The following C10orf67 variants were observed in gnomAD, a reference collection of about 807,000 sequenced individuals.
C10orf67 encodes chromosome 10 open reading frame 67.
In C10orf67, 60 loss-of-function variants were observed where a neutral mutation model predicts 35.6. The observed-to-expected ratio is 1.68, with a 90% CI of 1.37 to 2.09. The LOEUF (loss-of-function observed/expected upper bound fraction) is 2.09. Ranked by LOEUF, C10orf67 falls within the 30% of genes most tolerant of loss-of-function variation. C10orf67 has a pLI of 0.00. For missense variants in C10orf67, 474 were observed against 330.2 expected, an observed-to-expected ratio of 1.44 and a Z score of -3.38; for synonymous variants, 167 against 115.8, an observed-to-expected ratio of 1.44 and a Z score of -2.84.
chr10:23,305,868 T>C (rs1232838973), intron 4 of C10orf67, among the ~76,000 whole-genome samples: 2 of 152,180 alleles, frequency 1.3e-5, no homozygotes, highest in African/African-American at 4.8e-5. Context: ...TAAAGATATT[T>C]GCATTCCTAT....
chr10:23,240,412 A>G (rs1842151600), intron 12 of C10orf67, among the ~76,000 whole-genome samples: 2 of 152,230 alleles, frequency 1.3e-5, no homozygotes, highest in Non-Finnish European at 2.9e-5. Context: ...ATCTTATTCT[A>G]CCAGAATTCA....
intron 4 of C10orf67, among the ~76,000 whole-genome samples, chr10:23,319,782 C>A (rs1207380246): frequency 6.6e-6 from 1 of 152,190 alleles, no homozygotes; most frequent in Non-Finnish European, 1.5e-5. Flanking sequence ...TCACAGCCAA[C>A]TCACCTTCAG....
chr10:23,240,742 C>T (rs1842159281), intron 12 of C10orf67, among the ~76,000 whole-genome samples: 1 of 152,192 alleles, frequency 6.6e-6, no homozygotes, highest in African/African-American at 2.4e-5. Flanking sequence ...AAATGTGTGA[C>T]ATCCCTTCAG....
intron 1 of C10orf67, among the ~76,000 whole-genome samples, chr10:23,339,654 T>G (rs982776501): frequency 3.3e-5 from 5 of 152,228 alleles, no homozygotes; most frequent in African/African-American, 1.2e-4. Flanking sequence ...TCTAACTCCT[T>G]AGTTTCTGCC....
intron 6 of C10orf67, among the ~76,000 whole-genome samples, chr10:23,290,903 A>C (rs1843699567): frequency 6.6e-6 from 1 of 152,232 alleles, no homozygotes; most frequent in South Asian, 2.1e-4. Flanking sequence ...GTCTGTCTTG[A>C]AACAACACCC....
At chr10:23,310,269 A>G (rs1425009129) in intron 4 of C10orf67, among the ~76,000 whole-genome samples, 1 of 152,198 alleles carries the variant, frequency 6.6e-6, no homozygotes, top group Non-Finnish European at 1.5e-5. Flanking sequence ...AACCAAAACA[A>G]AAAATTCTAG....
At chr10:23,219,241 A>G (rs1841512614) in intron 15 of C10orf67, among the ~76,000 whole-genome samples, 2 of 152,168 alleles carry the variant, frequency 1.3e-5, no homozygotes, top group South Asian at 2.1e-4. Flanking sequence ...CTAGGTTTAA[A>G]TTTGGGTTTC....
At chr10:23,288,008 T>C (rs1232433679) in intron 7 of C10orf67, among the ~76,000 whole-genome samples, 1 of 152,180 alleles carries the variant, frequency 6.6e-6, no homozygotes, top group Non-Finnish European at 1.5e-5. Context: ...GGAACACTTT[T>C]ACACGTTAGT....
chr10:23,333,104 C>G lies in C10orf67; in HGVS notation c.285G>C (p.Leu95=). Residue 95 remains leucine (L), a synonymous_variant, in exon 2 of 16, where the codon CTG becomes CTC. Transcript: ENST00000636213. The part of the protein sequence containing the change: ...HATQTDSSEI[L]SVKELSSSTQ... ...TAGATGAACTCAATTCTTTTACTGA[C>G]AGTATTTCACTGGAATCAGTTTGAG... 6.2e-7 allele frequency: 1 copy of G among 1,611,390 alleles called. No homozygotes were observed. The highest frequency in any genetic ancestry group is 8.5e-7 in the Non-Finnish European group (1 of 1,178,052).
intron 1 of C10orf67, among the ~76,000 whole-genome samples, chr10:23,335,026 T>C (rs759942194): frequency 1.3e-5 from 2 of 151,988 alleles, no homozygotes; most frequent in African/African-American, 4.8e-5. Flanking sequence ...CCGTCTCGAC[T>C]AAAAATACAA....
At chr10:23,250,812 T>C in intron 10 of C10orf67, 121 bp from the exon 11 acceptor site, 1 of 394,516 alleles carries the variant, frequency 2.5e-6, no homozygotes, top group East Asian at 3.6e-5. Context: ...CAAACATAAT[T>C]TGAGGCGGGG....
intron 10 of C10orf67, among the ~76,000 whole-genome samples, chr10:23,251,801 TC>T (rs772761940): frequency 1.3e-5 from 2 of 152,240 alleles, no homozygotes; most frequent in Non-Finnish European, 2.9e-5. Context: ...GCATAGCTTA[TC>T]TGGCAAGAAA....
At chr10:23,336,954 C>A (rs1247269879) in intron 1 of C10orf67, among the ~76,000 whole-genome samples, 1 of 151,874 alleles carries the variant, frequency 6.6e-6, no homozygotes, top group Non-Finnish European at 1.5e-5. Flanking sequence ...ATTTTGTTTG[C>A]CATAAAGTGA....
chr10:23,323,912 T>C (rs1361836316), intron 2 of C10orf67, among the ~76,000 whole-genome samples: 1 of 24,354 alleles, frequency 4.1e-5, no homozygotes, highest in Non-Finnish European at 6.4e-5. Flanking sequence ...TATATATATA[T>C]ATATATATAT....
Position 23,214,291 on chromosome 10 carries a change from T to C in C10orf67, c.1570+9307A>G, listed in dbSNP as rs549068357. Among the ~76,000 whole-genome samples the C allele has an allele frequency of 2.6e-5, 4 of 152,186 alleles. No homozygotes were observed. The South Asian group carries it at 8.3e-4, about 32-fold the overall frequency. ...TACAATAAATTAGAAGAATAAAGAA[T>C]GTCTGAACTACCAAATTAATAAGAC... On this transcript the variant is annotated intron_variant, in intron 15 of 15. Transcript: ENST00000636213.
intron 2 of C10orf67, among the ~76,000 whole-genome samples, chr10:23,328,637 C>T (rs1013594216): frequency 6.0e-5 from 9 of 149,474 alleles, no homozygotes; most frequent in African/African-American, 1.2e-4. Context: ...TTTCTAAACA[C>T]GGAGCTATAT....
At chr10:23,244,065 T>G (rs1047077748) in intron 12 of C10orf67, among the ~76,000 whole-genome samples, 1 of 152,108 alleles carries the variant, frequency 6.6e-6, no homozygotes, top group African/African-American at 2.4e-5. Flanking sequence ...CTAATTTTTT[T>G]ATTTTTTGTA....
rs1229827189 is a variant in C10orf67, at chr10:23,268,974, T to C, written c.976-1720A>G. Among the ~76,000 whole-genome samples, 3 of 152,244 alleles carry C rather than the reference T, an allele frequency of 2.0e-5. No individual in the cohort carries two copies. The East Asian group carries it at 5.8e-4, about 29-fold the overall frequency. On this transcript the variant is annotated intron_variant, in intron 8 of 15. Coordinates refer to ENST00000636213, the MANE Select transcript of C10orf67 (RefSeq NM_001371909.1). ...GGACTACCATCGTGTATTTAGTCTG[T>C]TGTTGACCAAAATGTCATTATGCAA...
rs117927900 is a variant in C10orf67 at position 23,288,777 on chromosome 10, A to C, written c.909+1123T>G. 3.2e-3 allele frequency among the ~76,000 whole-genome samples: 490 copies of C among 152,356 alleles called. 14 individuals are homozygous for C. The East Asian group carries it at 0.05, about 15-fold the overall frequency. On this transcript the variant is annotated intron_variant, in intron 7 of 15. Transcript: ENST00000636213. ...TGATTTTAATCCATTTTAACTTAAA[A>C]ATGGATACTCGGTTCAGTTACTGGA...
Sources: allele counts gnomAD v4.1 joint callset (sites outside exome capture counted in the v4.1 genomes callset), GRCh38; gene constraint gnomAD v4.1.1; transcripts MANE v1.5; gene names NCBI Gene and HGNC (gene_info 2026-07-23, HGNC 2026-07-21).